SLC24A3: variants seen among roughly 807,000 people sequenced by gnomAD.
SLC24A3 encodes the protein solute carrier family 24 member 3.
SLC24A3 carries 28 observed loss-of-function variants against 75.8 expected under a neutral mutation model. That is an observed-to-expected ratio of 0.37 (90% confidence interval 0.27 to 0.51). The LOEUF is 0.51. Among genes scored for constraint, SLC24A3 ranks in the 20% least tolerant of loss-of-function variants. SLC24A3 has a pLI of 0.94. For missense variants in SLC24A3, 663 were observed against 847.8 expected, an observed-to-expected ratio of 0.78 and a Z score of 2.71; for synonymous variants, 372 against 334.1, an observed-to-expected ratio of 1.11 and a Z score of -1.24.
At chr20:19,282,372 CT>C (rs1488896577) in intron 2 of SLC24A3, among the ~76,000 whole-genome samples, 2 of 152,264 alleles carry the variant, frequency 1.3e-5, no homozygotes, top group Admixed American at 6.5e-5. Context: ...CCAAGGGTTA[CT>C]GTGGCTGTTG....
At chr20:19,472,560 G>T (rs1322415814) in intron 2 of SLC24A3, among the ~76,000 whole-genome samples, 1 of 152,184 alleles carries the variant, frequency 6.6e-6, no homozygotes, top group Non-Finnish European at 1.5e-5. Context: ...CAGCCATGAG[G>T]ACGCTCTACC....
chr20:19,327,050 T>C (rs886558717), intron 2 of SLC24A3, among the ~76,000 whole-genome samples: 3 of 152,232 alleles, frequency 2.0e-5, no homozygotes, highest in Admixed American at 2.0e-4. Flanking sequence ...ATTTAACTTT[T>C]TTATTTCTTT....
At chr20:19,482,063 T>C (rs1285703895) in intron 2 of SLC24A3, among the ~76,000 whole-genome samples, 1 of 152,188 alleles carries the variant, frequency 6.6e-6, no homozygotes, top group Non-Finnish European at 1.5e-5. Context: ...CCATGTTGCT[T>C]CATTGGCCTC....
chr20:19,561,039 T>C (rs1315612703), intron 3 of SLC24A3, among the ~76,000 whole-genome samples: 4 of 152,228 alleles, frequency 2.6e-5, no homozygotes, highest in Non-Finnish European at 5.9e-5. Context: ...TGGTAGCATC[T>C]TGAGCTCCTG....
At chr20:19,655,647 C>T (rs566657298) in intron 7 of SLC24A3, among the ~76,000 whole-genome samples, 4 of 152,206 alleles carry the variant, frequency 2.6e-5, no homozygotes, top group East Asian at 1.9e-4. Flanking sequence ...ACTGAAGGCC[C>T]GAATAGAACA....
intron 2 of SLC24A3, among the ~76,000 whole-genome samples, chr20:19,501,973 A>G (rs1055478137): frequency 2.0e-5 from 3 of 152,124 alleles, no homozygotes; most frequent in Non-Finnish European, 4.4e-5. Context: ...AGTTTGGGGA[A>G]TCTTTAATGT....
chr20:19,335,165 A>G (rs1013764266), intron 2 of SLC24A3, among the ~76,000 whole-genome samples: 2 of 152,186 alleles, frequency 1.3e-5, no homozygotes, highest in Non-Finnish European at 2.9e-5. Context: ...ACCATCATGG[A>G]TAGTGAAAGT....
chr20:19,454,732 A>G (rs1440026818), intron 2 of SLC24A3, among the ~76,000 whole-genome samples: 1 of 152,234 alleles, frequency 6.6e-6, no homozygotes, highest in Non-Finnish European at 1.5e-5. Flanking sequence ...ATTTTAGGCT[A>G]TCTGCACAAC....
Position 19,696,923 on chromosome 20 carries a change from A to G in SLC24A3, c.1606+12A>G, listed in dbSNP as rs1231177140. ...TGTGGCCAGACAAGGTGGGACTTCC[A>G]GTGGCAATGGGGAAGGAGGGAGGGA... On this transcript the variant is annotated intron_variant, in intron 14 of 16. Coordinates refer to ENST00000328041, the MANE Select transcript of SLC24A3 (RefSeq NM_020689.4). The G allele has an allele frequency of 8.3e-7, 1 of 1,200,434 alleles. No homozygotes were observed. Among genetic ancestry groups the G allele is most frequent in the Non-Finnish European group, 1.1e-6 (1 of 882,594 alleles). The allele number at this position is 1,200,434 out of a possible 1,614,324, so 74.4% of individuals were successfully genotyped here.
chr20:19,459,767 C>T lies in SLC24A3; in HGVS notation c.272-55721C>T, dbSNP rs573828686. Reference sequence around the variant, plus strand: ...GTGGCCTGAGAGAGACTCAGGGAAACCCTTGGGGAATCTTCCTTCTGCTGG... The same window carrying T: ...GTGGCCTGAGAGAGACTCAGGGAAATCCTTGGGGAATCTTCCTTCTGCTGG... On this transcript the variant is annotated intron_variant, in intron 2 of 16. Coordinates refer to ENST00000328041, the MANE Select transcript of SLC24A3 (RefSeq NM_020689.4). Among the ~76,000 whole-genome samples the T allele has an allele frequency of 1.2e-3, 188 of 152,236 alleles. 1 individual carries two copies. Among genetic ancestry groups the T allele is most frequent in the Non-Finnish European group, 2.4e-3 (161 of 68,018 alleles).
chr20:19,436,889 C>G, intron 2 of SLC24A3, among the ~76,000 whole-genome samples: 1 of 152,132 alleles, frequency 6.6e-6, no homozygotes, highest in Non-Finnish European at 1.5e-5. Flanking sequence ...TTTCTGCAGC[C>G]AGGGGATTGG....
At chr20:19,380,075 A>G (rs1300407633) in intron 2 of SLC24A3, among the ~76,000 whole-genome samples, 8 of 152,218 alleles carry the variant, frequency 5.3e-5, no homozygotes, top group South Asian at 4.1e-4. Flanking sequence ...GCAGGTAATA[A>G]TCAAATAATA....
intron 6 of SLC24A3, among the ~76,000 whole-genome samples, chr20:19,604,686 G>C (rs950130705): frequency 6.6e-6 from 1 of 152,108 alleles, no homozygotes; most frequent in African/African-American, 2.4e-5. Context: ...TTGCTAACAC[G>C]ACCTCAAGTG....
chr20:19,468,557 A>G (rs1008571359), intron 2 of SLC24A3, among the ~76,000 whole-genome samples: 7 of 152,144 alleles, frequency 4.6e-5, no homozygotes, highest in African/African-American at 1.7e-4. Context: ...TTCTGAGTCA[A>G]TAGAGATGGC....
chr20:19,609,806 T>C (rs1360589497), intron 6 of SLC24A3, among the ~76,000 whole-genome samples: 1 of 152,226 alleles, frequency 6.6e-6, no homozygotes. Context: ...ATGGGAGAAG[T>C]GTCTTTCTCT....
intron 6 of SLC24A3, among the ~76,000 whole-genome samples, chr20:19,623,414 G>A (rs2122678406): frequency 6.6e-6 from 1 of 152,240 alleles, no homozygotes; most frequent in East Asian, 1.9e-4. Context: ...TCAAGGCTGT[G>A]GCTAGTTTGC....
Position 19,517,022 on chromosome 20 carries a change from C to A in SLC24A3, c.348+1458C>A, listed in dbSNP as rs529738251. On this transcript the variant is annotated intron_variant, in intron 3 of 16. Coordinates refer to ENST00000328041, the MANE Select transcript of SLC24A3 (RefSeq NM_020689.4). ...AACTCTTCAACTGGTCTCCCACTCC[C>A]AAAAAAGGGAGCATGAAAAGTCTCT... is the stretch of plus-strand genomic sequence containing the variant. 3.9e-5 allele frequency among the ~76,000 whole-genome samples: 6 copies of A among 152,134 alleles called. No individual in the cohort carries two copies. In the East Asian group the frequency reaches 1.2e-3, roughly 29 times the overall value.
intron 2 of SLC24A3, among the ~76,000 whole-genome samples, chr20:19,335,636 CT>C (rs913857104): frequency 2.0e-4 from 31 of 152,214 alleles, no homozygotes; most frequent in African/African-American, 7.5e-4. Flanking sequence ...GCAATTTTGC[CT>C]AGTCCTTTCC....
At chr20:19,320,120 A>G (rs1170283744) in intron 2 of SLC24A3, among the ~76,000 whole-genome samples, 1 of 152,192 alleles carries the variant, frequency 6.6e-6, no homozygotes, top group Non-Finnish European at 1.5e-5. Context: ...CAGTGTGTTT[A>G]AATAAAAGCT....
Sources: allele counts gnomAD v4.1 joint callset (sites outside exome capture counted in the v4.1 genomes callset), GRCh38; gene constraint gnomAD v4.1.1; transcripts MANE v1.5; gene names NCBI Gene and HGNC (gene_info 2026-07-23, HGNC 2026-07-21).